The following COX10 variants were observed in gnomAD, a reference collection of about 807,000 sequenced individuals.
The protein encoded by COX10 is protoheme IX farnesyltransferase, mitochondrial.
COX10 carries 27 observed loss-of-function variants against 37.3 expected under a neutral mutation model. The observed-to-expected ratio is 0.72, with a 90% CI of 0.53 to 1.00. The LOEUF (loss-of-function observed/expected upper bound fraction) is 1.00, where lower values mean the gene tolerates loss of function less well. Among genes scored for constraint, COX10 ranks in the 50% least tolerant of loss-of-function variants. COX10 has a pLI of 0.00. For synonymous variants in COX10, 222 were observed against 229.1 expected (o/e 0.97, Z 0.28); for missense variants, 475 against 563.2 (o/e 0.84, Z 1.59).
chr17:14,101,808 A>G (rs530146887), intron 3 of COX10, among the ~76,000 whole-genome samples: 4 of 152,202 alleles, frequency 2.6e-5, no homozygotes, highest in Non-Finnish European at 5.9e-5. Flanking sequence ...GTGCGTACTG[A>G]TTACAAATTT....
At chr17:14,125,392 CT>C (rs1221730542) in intron 4 of COX10, among the ~76,000 whole-genome samples, 1 of 152,068 alleles carries the variant, frequency 6.6e-6, no homozygotes, top group African/African-American at 2.4e-5. Context: ...TTGAATTAGC[CT>C]TGTATTAAGG....
rs922335150 is a variant in COX10 at position 14,207,447 on chromosome 17, G to C, written c.*234G>C. 1.7e-6 allele frequency: 1 copy of C among 588,186 alleles called. No individual in the cohort carries two copies. Among genetic ancestry groups the C allele is most frequent in the South Asian group, 2.4e-5 (1 of 41,992 alleles). The allele number at this position is 588,186 out of a possible 1,614,324, so 36.4% of individuals were successfully genotyped here. A position where few individuals can be genotyped will look rare whatever the true frequency, so the allele number is the denominator to read the frequency against. Reference sequence around the variant, plus strand: ...CAAAAAAGGAATTATTTTTCCCTTTGAGGGTCTTTATACATCTCTCCTCCA... The same window carrying C: ...CAAAAAAGGAATTATTTTTCCCTTTCAGGGTCTTTATACATCTCTCCTCCA... On this transcript the variant is annotated 3_prime_UTR_variant, in exon 7 of 7. Transcript: ENST00000261643.
intron 3 of COX10, among the ~76,000 whole-genome samples, chr17:14,091,979 G>C (rs1028010460): frequency 2.0e-5 from 3 of 152,044 alleles, no homozygotes; most frequent in Non-Finnish European, 4.4e-5. Flanking sequence ...ATAGGCACCA[G>C]TTTTATGGAA....
At chr17:14,156,756 C>T (rs1258635670) in intron 4 of COX10, among the ~76,000 whole-genome samples, 1 of 152,198 alleles carries the variant, frequency 6.6e-6, no homozygotes, top group Non-Finnish European at 1.5e-5. Flanking sequence ...TGAGGAAAAT[C>T]ATCCTTGCCC....
chr17:14,149,518 C>T (rs1460340703), intron 4 of COX10, among the ~76,000 whole-genome samples: 5 of 152,184 alleles, frequency 3.3e-5, no homozygotes, highest in East Asian at 3.9e-4. Context: ...GCACCCTCCC[C>T]GTGCTCACAG....
At chr17:14,157,110 T>A (rs1253939214) in intron 4 of COX10, among the ~76,000 whole-genome samples, 1 of 152,228 alleles carries the variant, frequency 6.6e-6, no homozygotes, top group Non-Finnish European at 1.5e-5. Flanking sequence ...ACAAATAATC[T>A]TCTTTTAACT....
At chr17:14,142,944 C>A (rs548392086) in intron 4 of COX10, among the ~76,000 whole-genome samples, 1 of 152,288 alleles carries the variant, frequency 6.6e-6, no homozygotes, top group South Asian at 2.1e-4. Flanking sequence ...AATATCCTAT[C>A]CACTGTGCAT....
chr17:14,191,854 T>C (rs1376628907), intron 5 of COX10, 135 bp from the exon 6 acceptor site: 3 of 853,552 alleles, frequency 3.5e-6, no homozygotes, highest in African/African-American at 3.3e-5. Flanking sequence ...GGATTCCCCA[T>C]ATCCAGGAAT....
chr17:14,158,142 G>A (rs2142238340), intron 4 of COX10, among the ~76,000 whole-genome samples: 1 of 151,970 alleles, frequency 6.6e-6, no homozygotes, highest in South Asian at 2.1e-4. Context: ...GAGTTTGTGA[G>A]TGAAGTGACT....
intron 5 of COX10, among the ~76,000 whole-genome samples, chr17:14,169,486 G>A (rs1341065274): frequency 1.3e-5 from 2 of 151,986 alleles, no homozygotes; most frequent in African/African-American, 4.8e-5. Flanking sequence ...CCCACTCCTG[G>A]TACCAATTTT....
At chr17:14,093,245 CT>C (rs750394757) in intron 3 of COX10, among the ~76,000 whole-genome samples, 1 of 151,842 alleles carries the variant, frequency 6.6e-6, no homozygotes, top group Non-Finnish European at 1.5e-5. Flanking sequence ...TTTGTTTTTT[CT>C]CTTAGTTCTT....
At chr17:14,126,587 A>G (rs934364274) in intron 4 of COX10, among the ~76,000 whole-genome samples, 5 of 152,090 alleles carry the variant, frequency 3.3e-5, no homozygotes, top group Non-Finnish European at 7.4e-5. Flanking sequence ...TGCCTAATTG[A>G]ACTGTGTGTG....
chr17:14,072,781 C>A (rs962325739), intron 1 of COX10, among the ~76,000 whole-genome samples: 1 of 152,150 alleles, frequency 6.6e-6, no homozygotes, highest in Non-Finnish European at 1.5e-5. Flanking sequence ...GTTCTCCTTC[C>A]CATAGTCCAG....
At chr17:14,176,558 TAACTGAGTGATTCTC>T (rs1233198086) in intron 5 of COX10, among the ~76,000 whole-genome samples, 1 of 152,188 alleles carries the variant, frequency 6.6e-6, no homozygotes, top group African/African-American at 2.4e-5. Context: ...CCTCTTAATT[TAACTGAGTGATTCTC>T]AAACTCTAGT....
In COX10 at chr17:14,152,748, A is replaced by G. The variant is rs530200941; in HGVS notation, c.625-7129A>G. ...TCTCTTGTCCTTGCCACTTCTAAAC[A>G]TCGGACTTTGATGATGCACATGACC... is the stretch of plus-strand genomic sequence containing the variant. On this transcript the variant is annotated intron_variant, in intron 4 of 6. Coordinates refer to ENST00000261643, the MANE Select transcript of COX10 (RefSeq NM_001303.4). 2.6e-5 allele frequency among the ~76,000 whole-genome samples: 4 copies of G among 152,300 alleles called. No homozygotes were observed. In the South Asian group the frequency reaches 6.2e-4, roughly 24 times the overall value.
At chr17:14,180,930 G>A (rs558136993) in intron 5 of COX10, among the ~76,000 whole-genome samples, 7 of 152,250 alleles carry the variant, frequency 4.6e-5, no homozygotes, top group Admixed American at 1.3e-4. Context: ...TAAGTTCAGA[G>A]AATATAAAGA....
At chr17:14,092,086 T>C (rs1033423435) in intron 3 of COX10, among the ~76,000 whole-genome samples, 1 of 152,110 alleles carries the variant, frequency 6.6e-6, no homozygotes, top group African/African-American at 2.4e-5. Context: ...TAAAACAGGA[T>C]GATAAGGTAG....
chr17:14,108,786 G>A (rs1915952561), intron 4 of COX10, among the ~76,000 whole-genome samples: 1 of 151,976 alleles, frequency 6.6e-6, no homozygotes, highest in South Asian at 2.1e-4. Flanking sequence ...AGATTTTTTT[G>A]TTTTCCCAGT....
intron 4 of COX10, among the ~76,000 whole-genome samples, chr17:14,114,239 C>T (rs1916064691): frequency 6.6e-6 from 1 of 152,106 alleles, no homozygotes; most frequent in Non-Finnish European, 1.5e-5. Flanking sequence ...TATTATTTTG[C>T]AAGCATAGTG....
Sources: allele counts gnomAD v4.1 joint callset (sites outside exome capture counted in the v4.1 genomes callset), GRCh38; gene constraint gnomAD v4.1.1; transcripts MANE v1.5; gene names NCBI Gene and HGNC (gene_info 2026-07-23, HGNC 2026-07-21).